L3MBTL4: variants seen among roughly 807,000 people sequenced by gnomAD.
L3MBTL4 encodes the protein L3MBTL histone methyl-lysine binding protein 4, also known as lethal(3)malignant brain tumor-like protein 4.
L3MBTL4 carries 70 observed loss-of-function variants against 84.5 expected under a neutral mutation model. The ratio of observed to expected loss-of-function variants is 0.83; its 90% CI spans 0.68 to 1.01. The LOEUF is 1.01. Ranked by LOEUF, L3MBTL4 falls within the 50% of genes least tolerant of loss-of-function variation. The probability of loss-of-function intolerance (pLI) is 0.00; values close to 1 mark genes in which losing one functional copy is unlikely to be tolerated. For synonymous variants in L3MBTL4, 274 were observed against 259.8 expected (o/e 1.05, Z -0.52); for missense variants, 715 against 754.8 (o/e 0.95, Z 0.62).
At chr18:6,063,085 A>G (rs1334732008) in intron 16 of L3MBTL4, among the ~76,000 whole-genome samples, 1 of 151,848 alleles carries the variant, frequency 6.6e-6, no homozygotes, top group Non-Finnish European at 1.5e-5. Flanking sequence ...AACATATGAT[A>G]TTTGGTTTTC....
intron 14 of L3MBTL4, among the ~76,000 whole-genome samples, chr18:6,131,885 T>A (rs1436089369): frequency 1.3e-5 from 2 of 152,190 alleles, no homozygotes; most frequent in Admixed American, 6.5e-5. Flanking sequence ...GCAGGGATTA[T>A]GAATGATATC....
intron 14 of L3MBTL4, among the ~76,000 whole-genome samples, chr18:6,109,397 C>T (rs550284589): frequency 6.6e-6 from 1 of 152,196 alleles, no homozygotes; most frequent in Admixed American, 6.5e-5. Context: ...GCTTGCATTT[C>T]TCGTTTCTAG....
chr18:6,254,232 T>C (rs2048042798), intron 5 of L3MBTL4, among the ~76,000 whole-genome samples: 1 of 152,046 alleles, frequency 6.6e-6, no homozygotes, highest in South Asian at 2.1e-4. Flanking sequence ...AAAAACAGAT[T>C]AAGAGCCACA....
intron 13 of L3MBTL4, among the ~76,000 whole-genome samples, chr18:6,165,801 T>C (rs575445898): frequency 6.6e-6 from 1 of 152,302 alleles, no homozygotes; most frequent in Admixed American, 6.5e-5. Flanking sequence ...GCTAACATCA[T>C]AATGACAGGA....
intron 16 of L3MBTL4, among the ~76,000 whole-genome samples, chr18:6,028,050 A>G (rs2055593473): frequency 6.6e-6 from 1 of 152,086 alleles, no homozygotes; most frequent in African/African-American, 2.4e-5. Flanking sequence ...ACTAGATCCC[A>G]TTTGTCAATT....
intron 14 of L3MBTL4, among the ~76,000 whole-genome samples, chr18:6,102,881 T>C (rs553358612): frequency 6.6e-6 from 1 of 152,284 alleles, no homozygotes; most frequent in Non-Finnish European, 1.5e-5. Flanking sequence ...TTATAGGTAA[T>C]AGTTTCAGCA....
At chr18:6,329,684 T>TGAGG (rs1412292535) in intron 1 of L3MBTL4, among the ~76,000 whole-genome samples, 1 of 152,156 alleles carries the variant, frequency 6.6e-6, no homozygotes, top group African/African-American at 2.4e-5. Flanking sequence ...TATGACATGG[T>TGAGG]GAGGGGGCTG....
At chr18:6,122,581 T>C (rs1186539818) in intron 14 of L3MBTL4, among the ~76,000 whole-genome samples, 1 of 152,240 alleles carries the variant, frequency 6.6e-6, no homozygotes, top group Non-Finnish European at 1.5e-5. Context: ...CCTTCCACCA[T>C]GATTGTGAGG....
intron 16 of L3MBTL4, among the ~76,000 whole-genome samples, chr18:6,058,334 T>C (rs1051967209): frequency 2.6e-5 from 4 of 152,204 alleles, no homozygotes; most frequent in Admixed American, 6.5e-5. Context: ...TACCTAACAC[T>C]TTTGCTGCAT....
intron 11 of L3MBTL4, 45 bp downstream of exon 11, chr18:6,215,705 C>T (rs1405647217): frequency 3.5e-6 from 4 of 1,128,984 alleles, no homozygotes; most frequent in Middle Eastern, 2.0e-4. Context: ...TGACTCAATA[C>T]AAACGTTGTT....
chr18:6,222,821 A>G (rs764269301), intron 10 of L3MBTL4, among the ~76,000 whole-genome samples: 1 of 151,922 alleles, frequency 6.6e-6, no homozygotes, highest in Non-Finnish European at 1.5e-5. Flanking sequence ...CCTTATGCCA[A>G]CAGAATCTAT....
chr18:6,197,477 T>C (rs1226594935), intron 12 of L3MBTL4, among the ~76,000 whole-genome samples: 1 of 152,264 alleles, frequency 6.6e-6, no homozygotes, highest in Non-Finnish European at 1.5e-5. Context: ...TATTCCATGG[T>C]GTATATGTAC....
intron 4 of L3MBTL4, among the ~76,000 whole-genome samples, chr18:6,282,906 AGATTGC>A (rs780357115): frequency 1.3e-5 from 2 of 152,180 alleles, no homozygotes; most frequent in African/African-American, 2.4e-5. Context: ...CTCCCTTGTC[AGATTGC>A]CCAAGGGAAG....
chr18:6,065,847 A>T, intron 16 of L3MBTL4, among the ~76,000 whole-genome samples: 1 of 151,618 alleles, frequency 6.6e-6, no homozygotes, highest in East Asian at 1.9e-4. Flanking sequence ...TTTTTGTTTC[A>T]ATTTCATTTA....
At chr18:6,319,209 C>T (rs967428666) in intron 1 of L3MBTL4, among the ~76,000 whole-genome samples, 2 of 151,920 alleles carry the variant, frequency 1.3e-5, no homozygotes, top group African/African-American at 2.4e-5. Flanking sequence ...TAATGTCACA[C>T]CTCAAGGAAC....
chr18:6,260,486 A>G (rs983729229), intron 5 of L3MBTL4: 5 of 152,056 alleles, frequency 3.3e-5, no homozygotes, highest in Non-Finnish European at 5.9e-5. Context: ...GTTCTCCTTG[A>G]AAAGATCTTT....
intron 16 of L3MBTL4, among the ~76,000 whole-genome samples, chr18:5,987,394 C>T (rs2053509655): frequency 6.6e-6 from 1 of 152,256 alleles, no homozygotes; most frequent in South Asian, 2.1e-4. Context: ...AACCATGGGG[C>T]GAAGCCCAGC....
chr18:6,080,950 G>C lies in L3MBTL4; in HGVS notation c.1375C>G (p.Leu459Val), dbSNP rs772745337. The change falls in exon 16 of 19, where the codon CTT becomes GTT. Residue 459 changes from leucine (L) to valine (V), a missense_variant and splice_region_variant. Leu to Val is a conservative substitution (Grantham distance 32). Coordinates refer to ENST00000317931, the MANE Select transcript of L3MBTL4 (RefSeq NM_001330559.2). ...KHEKVNSQPR[L>V]VQQAKCLKIK... ...TTCAAACACTTTGCCTGCTGTACAA[G>C]TCTGGGCAAAGAACAGAAATAAAAT... The C allele has an allele frequency of 9.4e-6, 15 of 1,599,842 alleles. No individual in the cohort carries two copies. Among genetic ancestry groups the C allele is most frequent in the Non-Finnish European group, 1.3e-5 (15 of 1,171,496 alleles).
At chr18:6,142,729 T>C (rs1461989066) in intron 13 of L3MBTL4, among the ~76,000 whole-genome samples, 1 of 152,148 alleles carries the variant, frequency 6.6e-6, no homozygotes, top group Non-Finnish European at 1.5e-5. Flanking sequence ...GAAACCTGCC[T>C]GGGTAACATA....
Sources: gnomAD v4.1 joint callset for allele counts (sites outside exome capture counted in the v4.1 genomes callset) on GRCh38, gnomAD v4.1.1 for gene constraint, MANE v1.5 for transcripts, NCBI Gene and HGNC (gene_info 2026-07-23, HGNC 2026-07-21) for gene names.